GXYLT2: variants seen among roughly 807,000 people sequenced by gnomAD.
GXYLT2 encodes the protein glucoside xylosyltransferase 2, also known as glycosyltransferase 8 domain containing 4.
In GXYLT2, 53 loss-of-function variants were observed where a neutral mutation model predicts 45.8. The observed-to-expected ratio is 1.16, with a 90% confidence interval of 0.93 to 1.46. The LOEUF is 1.46. Among genes scored for constraint, GXYLT2 ranks in the 40% most tolerant of loss-of-function variants. The pLI is 0.00. For missense variants in GXYLT2, 551 were observed against 544.4 expected (o/e 1.01, Z -0.12); for synonymous variants, 219 against 214.2 (o/e 1.02, Z -0.19).
At chr3:72,925,179 C>T (rs1314730430) in intron 3 of GXYLT2, among the ~76,000 whole-genome samples, 16 of 144,288 alleles carry the variant, frequency 1.1e-4, no homozygotes, top group South Asian at 4.3e-4. Context: ...TTTTTTGAGA[C>T]AGAGTCTCAC....
At chr3:72,919,253 T>C (rs1198811110) in intron 2 of GXYLT2, among the ~76,000 whole-genome samples, 1 of 152,150 alleles carries the variant, frequency 6.6e-6, no homozygotes. Context: ...AGTAGGTGAA[T>C]GGATAAACAA....
intron 3 of GXYLT2, among the ~76,000 whole-genome samples, chr3:72,929,806 G>A (rs1709993804): frequency 6.6e-6 from 1 of 152,112 alleles, no homozygotes; most frequent in African/African-American, 2.4e-5. Flanking sequence ...TAGTAAAATG[G>A]CAGACATAAA....
chr3:72,929,600 C>T, intron 3 of GXYLT2: 1 of 1,020,052 alleles, frequency 9.8e-7, no homozygotes. Flanking sequence ...AAAGCTAAGC[C>T]TCAGGCTAAT....
chr3:72,888,620 C>T (rs1709115968), intron 1 of GXYLT2, 112 bp downstream of exon 1: 1 of 730,858 alleles, frequency 1.4e-6, no homozygotes, highest in Non-Finnish European at 1.7e-6. Flanking sequence ...CAAGTTTCAC[C>T]CACGGGCTGC....
intron 1 of GXYLT2, among the ~76,000 whole-genome samples, chr3:72,897,232 C>A (rs1254745060): frequency 6.6e-6 from 1 of 152,202 alleles, no homozygotes; most frequent in Non-Finnish European, 1.5e-5. Context: ...TTAACTGGCT[C>A]ATAAAACTGG....
intron 3 of GXYLT2, among the ~76,000 whole-genome samples, chr3:72,947,108 T>C (rs1238356578): frequency 1.3e-5 from 2 of 152,128 alleles, no homozygotes; most frequent in African/African-American, 2.4e-5. Context: ...CACCTCCTGC[T>C]CCCAAAGTGC....
chr3:72,949,759 C>T (rs1358759556), intron 3 of GXYLT2, among the ~76,000 whole-genome samples: 2 of 152,044 alleles, frequency 1.3e-5, no homozygotes, highest in South Asian at 2.1e-4. Flanking sequence ...ATGATCCGCT[C>T]GCCTTAGCCT....
At position 72,888,262 on chromosome 3, in the gene GXYLT2, T is replaced by C. The variant is rs992997204; in HGVS notation, c.29T>C (p.Leu10Pro). The part of the protein sequence containing the change: MKLRSKAAA[L>P]LLLALAALLL... ...AAGCTCCGCAGCAAGGCGGCGGCGC[T>C]GCTCTTGCTCGCGCTGGCCGCGCTG... Residue 10 changes from leucine (L) to proline (P), a missense_variant, in exon 1 of 7, where the codon CTG becomes CCG. Coordinates refer to ENST00000389617, the MANE Select transcript of GXYLT2 (RefSeq NM_001080393.2). 1.0e-6 allele frequency: 1 copy of C among 993,766 alleles called. No individual in the cohort carries two copies. The highest frequency in any genetic ancestry group is 1.2e-6 in the Non-Finnish European group (1 of 838,142). 61.6% of individuals were successfully genotyped at this position (993,766 alleles called of 1,614,324 possible). A position where few individuals can be genotyped will look rare whatever the true frequency, so the allele number is the denominator to read the frequency against.
chr3:72,912,867 A>G (rs887394508), intron 2 of GXYLT2, among the ~76,000 whole-genome samples: 1 of 152,138 alleles, frequency 6.6e-6, no homozygotes, highest in Non-Finnish European at 1.5e-5. Flanking sequence ...GTTTTATACC[A>G]CTAAGTTTTG....
intron 3 of GXYLT2, among the ~76,000 whole-genome samples, chr3:72,924,934 T>C (rs1451903310): frequency 6.6e-6 from 1 of 151,836 alleles, no homozygotes; most frequent in African/African-American, 2.4e-5. Context: ...GGTAAAGGGG[T>C]CAAATGAGTT....
chr3:72,915,792 C>T (rs1399889674), intron 2 of GXYLT2, among the ~76,000 whole-genome samples: 1 of 151,506 alleles, frequency 6.6e-6, no homozygotes, highest in Non-Finnish European at 1.5e-5. Flanking sequence ...AAGATCGCGC[C>T]ACTGCACTCT....
At position 72,905,123 on chromosome 3, in the gene GXYLT2, G is replaced by T. The variant is rs573165408; in HGVS notation, c.276-3244G>T. The stretch of plus-strand genomic sequence containing the variant: ...AGAAAAAGAAAATAACCACTGTCCT[G>T]CATTTGTTTTCTTTGAGACAGAGTC... On this transcript the variant is annotated intron_variant, in intron 1 of 6. Coordinates refer to ENST00000389617, the MANE Select transcript of GXYLT2 (RefSeq NM_001080393.2). 2.6e-3 allele frequency among the ~76,000 whole-genome samples: 386 copies of T among 149,120 alleles called. 1 individual carries two copies. The highest frequency in any genetic ancestry group is 9.2e-3 in the African/African-American group (371 of 40,432).
intron 3 of GXYLT2, among the ~76,000 whole-genome samples, chr3:72,941,895 G>A (rs1384087614): frequency 6.6e-6 from 1 of 152,112 alleles, no homozygotes; most frequent in Non-Finnish European, 1.5e-5. Context: ...GCTAGAAGCA[G>A]TGACACCTGA....
chr3:72,955,424 C>A, intron 4 of GXYLT2, 75 bp downstream of exon 4: 3 of 1,475,050 alleles, frequency 2.0e-6, no homozygotes, highest in South Asian at 2.4e-5. Context: ...ACCAGAGTGT[C>A]AATATGCTGA....
At chr3:72,943,853 CA>C (rs777843609) in intron 3 of GXYLT2, among the ~76,000 whole-genome samples, 46 of 148,048 alleles carry the variant, frequency 3.1e-4, no homozygotes, top group Non-Finnish European at 5.5e-4. Context: ...TTGAGAGCAT[CA>C]TTTTTTTTTT....
intron 3 of GXYLT2, among the ~76,000 whole-genome samples, chr3:72,930,744 C>A (rs1165936298): frequency 6.6e-6 from 1 of 151,598 alleles, no homozygotes; most frequent in Non-Finnish European, 1.5e-5. Flanking sequence ...CAGGTGTGCA[C>A]CACCAAGCCC....
chr3:72,915,701 T>C (rs969171561), intron 2 of GXYLT2, among the ~76,000 whole-genome samples: 1 of 152,032 alleles, frequency 6.6e-6, no homozygotes. Flanking sequence ...GCCCATGTTG[T>C]GGCATGCGCC....
At chr3:72,933,728 G>A (rs1710121215) in intron 3 of GXYLT2, among the ~76,000 whole-genome samples, 1 of 152,158 alleles carries the variant, frequency 6.6e-6, no homozygotes, top group East Asian at 1.9e-4. Context: ...GAGCAACAAA[G>A]TGACACCCTG....
At chr3:72,932,734 G>C (rs1170597677) in intron 3 of GXYLT2, among the ~76,000 whole-genome samples, 1 of 152,236 alleles carries the variant, frequency 6.6e-6, no homozygotes. Context: ...GAGAGGTCCA[G>C]TTACTTTGTT....
Sources: allele counts gnomAD v4.1 joint callset (sites outside exome capture counted in the v4.1 genomes callset), GRCh38; gene constraint gnomAD v4.1.1; transcripts MANE v1.5; gene names NCBI Gene and HGNC (gene_info 2026-07-23, HGNC 2026-07-21).